ZNF560: variants seen among roughly 807,000 people sequenced by gnomAD.
ZNF560 encodes the protein zinc finger protein 560.
A neutral mutation model predicts 81.8 loss-of-function variants in ZNF560; 54 were observed. The ratio of observed to expected loss-of-function variants is 0.66; its 90% CI spans 0.53 to 0.83. ZNF560 has a LOEUF of 0.83. ZNF560 is among the 40% of genes least tolerant of loss of function. ZNF560 has a pLI of 0.00. For missense variants in ZNF560, 940 were observed against 932.4 expected (o/e 1.01, Z -0.11); for synonymous variants, 321 against 317.9 (o/e 1.01, Z -0.10).
At chr19:9,505,952 C>A in the ZNF560 span, among the ~76,000 whole-genome samples, 2 of 151,786 alleles carry the variant, frequency 1.3e-5, no homozygotes, top group African/African-American at 4.9e-5. Flanking sequence ...GTGTTAGCCA[C>A]CACACCAGGC....
chr19:9,504,489 T>C, the ZNF560 span, among the ~76,000 whole-genome samples: 6 of 152,294 alleles, frequency 3.9e-5, no homozygotes, highest in East Asian at 9.6e-4. Flanking sequence ...CTGTGGCATA[T>C]ACATTTGACA....
chr19:9,480,889 C>T (rs1264208298), intron 2 of ZNF560, among the ~76,000 whole-genome samples: 1 of 151,952 alleles, frequency 6.6e-6, no homozygotes, highest in African/African-American at 2.4e-5. Flanking sequence ...AATTCGAGAC[C>T]AGCCTAGGCA....
intron 2 of ZNF560, among the ~76,000 whole-genome samples, chr19:9,486,989 T>C (rs2144718339): frequency 6.6e-6 from 1 of 152,324 alleles, no homozygotes; most frequent in South Asian, 2.1e-4. Context: ...ATTACTTCTC[T>C]AAGTCTTTTC....
intron 5 of ZNF560, among the ~76,000 whole-genome samples, chr19:9,471,745 T>A (rs1392422228): frequency 1.3e-5 from 2 of 152,210 alleles, no homozygotes; most frequent in African/African-American, 2.4e-5. Context: ...TTAAAGAGTA[T>A]CAAAAATTGA....
At chr19:9,490,193 G>A (rs770114976) in intron 2 of ZNF560, among the ~76,000 whole-genome samples, 2 of 152,154 alleles carry the variant, frequency 1.3e-5, no homozygotes, top group African/African-American at 4.8e-5. Context: ...CTTCACAAAG[G>A]CATTCAGAAA....
Position 9,466,900 on chromosome 19 carries a change from T to G in ZNF560, c.2047A>C (p.Thr683Pro). ...TTTCCACATGCGTTACATTCAGAGG[T>G]CTTCTCTGCTGCATGAGTTTTTAAG... ...QHLKTHAAEK[T>P]SECNACGNSF... The change falls in exon 10 of 10, where the codon ACC becomes CCC. Residue 683 changes from threonine to proline, a missense_variant. By Grantham distance (38) the Thr-to-Pro change is conservative (BLOSUM62 -1). Transcript: ENST00000301480. 1 of 1,614,036 alleles carries G rather than the reference T, an allele frequency of 6.2e-7. No homozygotes were observed. The highest frequency in any genetic ancestry group is 8.5e-7 in the Non-Finnish European group (1 of 1,180,032).
chr19:9,480,140 G>A (rs566543839), intron 2 of ZNF560, among the ~76,000 whole-genome samples: 2 of 152,190 alleles, frequency 1.3e-5, no homozygotes, highest in East Asian at 3.9e-4. Context: ...AACATACACA[G>A]AACATTCCAT....
chr19:9,447,125 C>T, the ZNF560 span, among the ~76,000 whole-genome samples: 1 of 134,992 alleles, frequency 7.4e-6, no homozygotes, highest in African/African-American at 3.1e-5. Context: ...CAGAGCGAGA[C>T]TCCGTCACAA....
chr19:9,501,327 TTGTGTGTGTGTG>T (rs71185606), upstream of ZNF560, among the ~76,000 whole-genome samples: 3,269 of 109,010 alleles, frequency 0.03, 56 homozygotes, highest in East Asian at 0.095. Flanking sequence ...CCTGGCTACT[TTGTGTGTGTGTG>T]TGTGTGTGTG....
chr19:9,499,470 G>A (rs1036832330), upstream of ZNF560, among the ~76,000 whole-genome samples: 1 of 152,206 alleles, frequency 6.6e-6, no homozygotes, highest in African/African-American at 2.4e-5. Context: ...GGGATTACAG[G>A]CGTGAGCCAT....
At chr19:9,503,337 T>C (rs1023491590), upstream of ZNF560, among the ~76,000 whole-genome samples, 1 of 152,156 alleles carries the variant, frequency 6.6e-6, no homozygotes, top group African/African-American at 2.4e-5. Context: ...AATTTGTTTT[T>C]GTTGTTGTTG....
At chr19:9,447,865 A>C in the ZNF560 span, among the ~76,000 whole-genome samples, 2 of 152,184 alleles carry the variant, frequency 1.3e-5, no homozygotes, top group Non-Finnish European at 2.9e-5. Context: ...AATCCAGACA[A>C]CACCTGCCAG....
chr19:9,470,293 C>T, intron 7 of ZNF560, 99 bp downstream of exon 7: 1 of 1,481,768 alleles, frequency 6.7e-7, no homozygotes, highest in East Asian at 2.3e-5. Context: ...GTATATATCC[C>T]ACTGTATTCA....
At chr19:9,448,593 C>G in the ZNF560 span, among the ~76,000 whole-genome samples, 1 of 151,822 alleles carries the variant, frequency 6.6e-6, no homozygotes, top group Non-Finnish European at 1.5e-5. Context: ...ACAAAACAAC[C>G]AAACCTAAGT....
Position 9,479,079 on chromosome 19 carries a change from T to C in ZNF560, c.-56-3710A>G, listed in dbSNP as rs369468335. 2.1e-4 allele frequency among the ~76,000 whole-genome samples: 32 copies of C among 151,268 alleles called. No individual in the cohort carries two copies. The South Asian group carries it at 3.3e-3, about 16-fold the overall frequency. Reference sequence around the variant, plus strand: ...TATTCAGGAGGCTGAGGCAGGAGAATCACTTGAATGGGCAGGAGAATCGCT... The same window carrying C: ...TATTCAGGAGGCTGAGGCAGGAGAACCACTTGAATGGGCAGGAGAATCGCT... On this transcript the variant is annotated intron_variant, in intron 2 of 9. Coordinates refer to ENST00000301480, the MANE Select transcript of ZNF560 (RefSeq NM_152476.3).
chr19:9,481,444 C>T (rs2073287959), intron 2 of ZNF560, among the ~76,000 whole-genome samples: 1 of 152,202 alleles, frequency 6.6e-6, no homozygotes, highest in South Asian at 2.1e-4. Flanking sequence ...AACTAAACAG[C>T]TTCTGCACAG....
chr19:9,482,853 C>T (rs574678122), intron 2 of ZNF560, among the ~76,000 whole-genome samples: 4 of 152,218 alleles, frequency 2.6e-5, no homozygotes, highest in Admixed American at 2.6e-4. Flanking sequence ...TTGGTGGAGA[C>T]GGGGTTTTGC....
At chr19:9,474,554 C>T (rs2073170588) in intron 3 of ZNF560, among the ~76,000 whole-genome samples, 1 of 152,180 alleles carries the variant, frequency 6.6e-6, no homozygotes, top group Non-Finnish European at 1.5e-5. Flanking sequence ...CAATCATGAA[C>T]TTCTCATCAC....
At chr19:9,503,320 CT>C (rs2073646502), upstream of ZNF560, among the ~76,000 whole-genome samples, 1 of 152,046 alleles carries the variant, frequency 6.6e-6, no homozygotes, top group African/African-American at 2.4e-5. Context: ...TACATGTTTT[CT>C]TTTGTAATTT....
Sources: gnomAD v4.1 joint callset for allele counts (sites outside exome capture counted in the v4.1 genomes callset) on GRCh38, gnomAD v4.1.1 for gene constraint, MANE v1.5 for transcripts, NCBI Gene and HGNC (gene_info 2026-07-23, HGNC 2026-07-21) for gene names.